Variants in BANK1 observed in about 807,000 individuals in gnomAD.
BANK1 encodes the protein B cell scaffold protein with ankyrin repeats 1, also known as B-cell scaffold protein with ankyrin repeats.
A neutral mutation model predicts 94.5 loss-of-function variants in BANK1; 95 were observed. The ratio of observed to expected loss-of-function variants is 1.00; its 90% CI spans 0.85 to 1.19. The LOEUF is 1.19. Among genes scored for constraint, BANK1 ranks in the 50% most tolerant of loss-of-function variants. The pLI, the probability that BANK1 is intolerant of heterozygous loss-of-function variation, is 0.00. For synonymous variants in BANK1, 334 were observed against 308.4 expected (o/e 1.08, Z -0.87); for missense variants, 987 against 932.2 (o/e 1.06, Z -0.77).
At chr4:101,936,662 C>T (rs139976923) in intron 7 of BANK1, among the ~76,000 whole-genome samples, 161 of 151,060 alleles carry the variant, frequency 1.1e-3, no homozygotes, top group Non-Finnish European at 1.9e-3. Context: ...ATTTGAATAG[C>T]GACTCCTCAA....
chr4:101,916,740 T>C (rs1722841837), intron 6 of BANK1, among the ~76,000 whole-genome samples: 1 of 152,066 alleles, frequency 6.6e-6, no homozygotes, highest in African/African-American at 2.4e-5. Flanking sequence ...ATGAAATTAC[T>C]GTTTGAAAGA....
At chr4:101,910,666 C>T (rs1360228014) in intron 6 of BANK1, among the ~76,000 whole-genome samples, 5 of 146,480 alleles carry the variant, frequency 3.4e-5, no homozygotes, top group Non-Finnish European at 7.5e-5. Flanking sequence ...TGCACTCCAG[C>T]CTGGGCGACA....
rs189948978 is a variant in BANK1 at position 101,946,882 on chromosome 4, C to T, written c.1206+28693C>T. ...TACTTAGGAGAGAAGAGCCATTTAA[C>T]AATAAACTCATTCTATATAAAATTA... On this transcript the variant is annotated intron_variant, in intron 7 of 16. Transcript: ENST00000322953. 3.3e-5 allele frequency among the ~76,000 whole-genome samples: 5 copies of T among 152,062 alleles called. No individual in the cohort carries two copies. In the South Asian group the frequency reaches 6.2e-4, roughly 19 times the overall value.
intron 7 of BANK1, among the ~76,000 whole-genome samples, chr4:101,989,833 A>T (rs1472032812): frequency 1.3e-5 from 2 of 152,170 alleles, no homozygotes; most frequent in African/African-American, 2.4e-5. Flanking sequence ...TGATGTTGTT[A>T]TATCTCATTA....
intron 5 of BANK1, among the ~76,000 whole-genome samples, chr4:101,872,956 C>G (rs2148882038): frequency 6.6e-6 from 1 of 151,516 alleles, no homozygotes; most frequent in Non-Finnish European, 1.5e-5. Flanking sequence ...CCACAGCACT[C>G]CAGCCTGGGT....
intron 2 of BANK1, among the ~76,000 whole-genome samples, chr4:101,840,473 C>T (rs1048132469): frequency 6.6e-6 from 1 of 152,242 alleles, no homozygotes; most frequent in African/African-American, 2.4e-5. Context: ...CCGTGACACA[C>T]ATGCTGAAGG....
chr4:101,932,794 A>AAGG (rs1723402344), intron 7 of BANK1, among the ~76,000 whole-genome samples: 1 of 151,514 alleles, frequency 6.6e-6, no homozygotes, highest in Admixed American at 6.6e-5. Context: ...CTTTTCAACA[A>AAGG]ACCAACCTCT....
At chr4:102,060,629 T>C (rs1363910332) in intron 12 of BANK1, among the ~76,000 whole-genome samples, 1 of 152,200 alleles carries the variant, frequency 6.6e-6, no homozygotes, top group Admixed American at 6.5e-5. Context: ...CAGCTTATAA[T>C]ACCTGTCTTT....
chr4:101,947,431 T>G (rs1447292052), intron 7 of BANK1, among the ~76,000 whole-genome samples: 1 of 150,946 alleles, frequency 6.6e-6, no homozygotes, highest in Non-Finnish European at 1.5e-5. Context: ...GAAACTCTCA[T>G]GGGCACCCAA....
At chr4:102,058,498 C>T (rs768559172) in intron 11 of BANK1, among the ~76,000 whole-genome samples, 7 of 151,970 alleles carry the variant, frequency 4.6e-5, no homozygotes, top group Non-Finnish European at 8.8e-5. Flanking sequence ...GAAAACCTTT[C>T]ATTACTTCTT....
At chr4:102,063,669 A>G (rs1313912350) in intron 13 of BANK1, among the ~76,000 whole-genome samples, 1 of 151,872 alleles carries the variant, frequency 6.6e-6, no homozygotes, top group Non-Finnish European at 1.5e-5. Context: ...TAAAAATATA[A>G]AAATTAGCCG....
intron 7 of BANK1, among the ~76,000 whole-genome samples, chr4:102,017,733 C>G (rs1464875774): frequency 6.6e-6 from 1 of 152,188 alleles, no homozygotes; most frequent in Non-Finnish European, 1.5e-5. Flanking sequence ...CTGAATGAGA[C>G]TTTGTTCACC....
At chr4:101,926,356 T>G (rs1231501547) in intron 7 of BANK1, among the ~76,000 whole-genome samples, 1 of 151,736 alleles carries the variant, frequency 6.6e-6, no homozygotes, top group Non-Finnish European at 1.5e-5. Flanking sequence ...TATGATTGAC[T>G]TATTCTGCCT....
intron 1 of BANK1, among the ~76,000 whole-genome samples, chr4:101,809,771 C>T (rs928769158): frequency 1.3e-5 from 2 of 152,142 alleles, no homozygotes; most frequent in African/African-American, 4.8e-5. Flanking sequence ...GTATACTGCA[C>T]ATATATCCAT....
intron 7 of BANK1, among the ~76,000 whole-genome samples, chr4:101,936,662 C>A (rs139976923): frequency 6.6e-6 from 1 of 150,944 alleles, no homozygotes; most frequent in Non-Finnish European, 1.5e-5. Context: ...ATTTGAATAG[C>A]GACTCCTCAA....
intron 11 of BANK1, among the ~76,000 whole-genome samples, chr4:102,054,881 C>T (rs1036222152): frequency 1.3e-5 from 2 of 151,956 alleles, no homozygotes; most frequent in African/African-American, 2.4e-5. Flanking sequence ...GTGTCTTTAC[C>T]GTGGGAATTT....
At chr4:101,913,038 T>C (rs573301091) in intron 6 of BANK1, among the ~76,000 whole-genome samples, 108 of 152,288 alleles carry the variant, frequency 7.1e-4, no homozygotes, top group Non-Finnish European at 1.1e-3. Flanking sequence ...TAGGTAGCAT[T>C]CTACCTGTAA....
intron 7 of BANK1, among the ~76,000 whole-genome samples, chr4:102,008,642 A>G (rs573970341): frequency 6.6e-6 from 1 of 152,350 alleles, no homozygotes; most frequent in Non-Finnish European, 1.5e-5. Flanking sequence ...TGTCCTACCA[A>G]GGAGAAACAG....
intron 6 of BANK1, among the ~76,000 whole-genome samples, chr4:101,910,981 A>G (rs754949548): frequency 5.9e-5 from 9 of 152,226 alleles, no homozygotes; most frequent in Non-Finnish European, 1.0e-4. Flanking sequence ...TGCACTACAC[A>G]TAGTACTTAA....
Sources: gnomAD v4.1 joint callset for allele counts (sites outside exome capture counted in the v4.1 genomes callset) on GRCh38, gnomAD v4.1.1 for gene constraint, MANE v1.5 for transcripts, NCBI Gene and HGNC (gene_info 2026-07-23, HGNC 2026-07-21) for gene names.